The following SRP68 variants were observed in gnomAD, a reference collection of about 807,000 sequenced individuals.
The protein encoded by SRP68 is signal recognition particle 68, also known as signal recognition particle subunit SRP68.
Under a neutral mutation model 82.2 loss-of-function variants are expected in SRP68, and 15 were observed. That is an observed-to-expected ratio of 0.18 (90% CI 0.12 to 0.28). The LOEUF (loss-of-function observed/expected upper bound fraction) is 0.28, where lower values mean the gene tolerates loss of function less well. SRP68 is among the 10% of genes least tolerant of loss of function. The pLI, the probability that SRP68 is intolerant of heterozygous loss-of-function variation, is 1.00. For missense variants in SRP68, 595 were observed against 780.5 expected (o/e 0.76, Z 2.83); for synonymous variants, 261 against 292.6 (o/e 0.89, Z 1.10).
chr17:76,072,410 C>A lies in SRP68; in HGVS notation c.82G>T (p.Gly28Cys). ...TCCCCTCCGGCACCACGTCCACCGC[C>A]GCTACCGCCGCCGCCACTGCCACCG... ...GGGGSGGGGS[G>C]GGRGAGGEEN... Residue 28 changes from glycine to cysteine, a missense_variant, in exon 1 of 16, where the codon GGC becomes TGC. Gly to Cys is a radical substitution (Grantham distance 159). Coordinates refer to ENST00000307877, the MANE Select transcript of SRP68 (RefSeq NM_014230.4). The surrounding 1 kb of genome is among the most constrained non-coding windows in gnomAD (Gnocchi z 4.5). 1 of 1,596,036 alleles carries A rather than the reference C, an allele frequency of 6.3e-7. No homozygotes were observed.
At position 76,053,403 on chromosome 17, in the gene SRP68, T is replaced by C. The variant is rs113823201; in HGVS notation, c.979-2877A>G. ...CCCTTCTCAGACAAGTGGGGTTAAGTGGTTGGAGCAACCGGCGTTCAAGAA... is the reference window on the plus strand; with the variant it reads ...CCCTTCTCAGACAAGTGGGGTTAAGCGGTTGGAGCAACCGGCGTTCAAGAA... On this transcript the variant is annotated intron_variant, in intron 8 of 15. Coordinates refer to ENST00000307877, the MANE Select transcript of SRP68 (RefSeq NM_014230.4). The C allele has an allele frequency of 1.9e-5, 18 of 951,316 alleles. 1 individual carries two copies. Among genetic ancestry groups the C allele is most frequent in the African/African-American group, 3.5e-5 (2 of 56,576 alleles). The allele number at this position is 951,316 out of a possible 1,614,324, so 58.9% of individuals were successfully genotyped here.
intron 3 of SRP68, among the ~76,000 whole-genome samples, chr17:76,064,985 T>C (rs2066796007): frequency 6.6e-6 from 1 of 152,174 alleles, no homozygotes; most frequent in African/African-American, 2.4e-5. Context: ...CGCTCTCCCA[T>C]GTAGTAATAC....
rs2066584183 is a variant in SRP68 at position 76,040,827 on chromosome 17, TA to T, written c.1600+75del. 4.5e-6 allele frequency: 6 copies of T among 1,345,226 alleles called. No individual in the cohort carries two copies. The South Asian group carries it at 7.1e-5, about 16-fold the overall frequency. The allele number at this position is 1,345,226 out of a possible 1,614,324, so 83.3% of individuals were successfully genotyped here. The stretch of plus-strand genomic sequence containing the variant: ...GACAACCCTTTCAACCTTAAAACAG[TA>T]GTATGGGGTGTGACAGAGAAGGGGA... On this transcript the variant is annotated intron_variant, in intron 14 of 15. Coordinates refer to ENST00000307877, the MANE Select transcript of SRP68 (RefSeq NM_014230.4).
chr17:76,047,236 G>T (rs1398216578), intron 10 of SRP68, among the ~76,000 whole-genome samples: 1 of 152,134 alleles, frequency 6.6e-6, no homozygotes, highest in Non-Finnish European at 1.5e-5. Context: ...TCCCACCTGA[G>T]CCTCTGGAGT....
At position 76,060,226 on chromosome 17, in the gene SRP68, T is replaced by A. The variant is rs539315943; in HGVS notation, c.837+82A>T. ...AGATATAAATATCCATATATTAATATCAAATATCCCTAGGGGATTATGAAT... is the reference window on the plus strand; with the variant it reads ...AGATATAAATATCCATATATTAATAACAAATATCCCTAGGGGATTATGAAT... On this transcript the variant is annotated intron_variant, in intron 7 of 15. Coordinates refer to ENST00000307877, the MANE Select transcript of SRP68 (RefSeq NM_014230.4). The A allele has an allele frequency of 6.5e-5, 46 of 702,334 alleles. No homozygotes were observed. In the South Asian group the frequency reaches 8.2e-4, roughly 12 times the overall value. The allele number at this position is 702,334 out of a possible 1,614,324, so 43.5% of individuals were successfully genotyped here. A position where few individuals can be genotyped will look rare whatever the true frequency, so the allele number is the denominator to read the frequency against.
chr17:76,045,713 G>A (rs1368372306), intron 11 of SRP68, among the ~76,000 whole-genome samples: 1 of 152,164 alleles, frequency 6.6e-6, no homozygotes, highest in African/African-American at 2.4e-5. Flanking sequence ...TTGACTGTGT[G>A]TGTCTCACAG....
chr17:76,055,117 C>G (rs904349365), intron 8 of SRP68, among the ~76,000 whole-genome samples: 1 of 151,580 alleles, frequency 6.6e-6, no homozygotes, highest in Non-Finnish European at 1.5e-5. Flanking sequence ...CCACCACACC[C>G]GGCTAATTTT....
chr17:76,057,726 G>C (rs958005188), intron 7 of SRP68, among the ~76,000 whole-genome samples, 183 bp from the exon 8 acceptor site: 3 of 152,072 alleles, frequency 2.0e-5, no homozygotes, highest in Non-Finnish European at 4.4e-5. Flanking sequence ...CCAGGCTGGA[G>C]TGCAGTGGCG....
Position 76,040,369 on chromosome 17 carries a change from T to G in SRP68, c.1656+50A>C, listed in dbSNP as rs188938871. ...TCTATAATGAGCATGCATTCCTAGT[T>G]TGTTACTAATCCTGCTTCGTATTCC... On this transcript the variant is annotated intron_variant, in intron 15 of 15. Transcript: ENST00000307877. 92 of 1,557,314 alleles carry G rather than the reference T, an allele frequency of 5.9e-5. No homozygotes were observed. The African/African-American group carries it at 1.1e-3, about 18-fold the overall frequency.
intron 13 of SRP68, among the ~76,000 whole-genome samples, chr17:76,042,325 C>T (rs912104791): frequency 1.3e-5 from 2 of 151,912 alleles, no homozygotes; most frequent in African/African-American, 2.4e-5. Context: ...AGTAAAGCAC[C>T]GGGAGTAGTG....
At chr17:76,065,860 A>G (rs143740435) in intron 3 of SRP68, among the ~76,000 whole-genome samples, 1,563 of 151,422 alleles carry the variant, frequency 0.01, 20 homozygotes, top group African/African-American at 0.035. Flanking sequence ...ACATTTTCCA[A>G]TAAGATGAAA....
chr17:76,055,256 C>T (rs113420476), intron 8 of SRP68, among the ~76,000 whole-genome samples: 2,064 of 152,050 alleles, frequency 0.014, 40 homozygotes, highest in African/African-American at 0.047. Context: ...CGTGAGCCAC[C>T]GCACCCGGCC....
Position 76,064,134 on chromosome 17 carries a change from A to G in SRP68, c.403T>C (p.Trp135Arg). ...TGTTTCAGCTGCATGGCGTAGCTCCAGGCTCTTTCAGCATCCATCAGAACC... is the reference window on the plus strand; with the variant it reads ...TGTTTCAGCTGCATGGCGTAGCTCCGGGCTCTTTCAGCATCCATCAGAACC... ...LLVLMDAERA[W>R]SYAMQLKQEA... The change falls in exon 4 of 16, where the codon TGG becomes CGG. Residue 135 changes from tryptophan (W) to arginine (R), a missense_variant. Physicochemically the swap from Trp to Arg is moderately radical, Grantham distance 101 (BLOSUM62 -3). This residue lies in a region of SRP68 where 495 missense variants were observed against 688.6 expected (regional missense o/e 0.72). Coordinates refer to ENST00000307877, the MANE Select transcript of SRP68 (RefSeq NM_014230.4). The G allele has an allele frequency of 6.2e-7, 1 of 1,614,210 alleles. No homozygotes were observed. The highest frequency in any genetic ancestry group is 8.5e-7 in the Non-Finnish European group (1 of 1,180,034).
intron 10 of SRP68, 94 bp from the exon 11 acceptor site, chr17:76,046,288 A>G: frequency 5.8e-6 from 5 of 867,350 alleles, no homozygotes; most frequent in African/African-American, 3.5e-5. Flanking sequence ...CAGAGGAAGC[A>G]GGGGGCGGGT....
At chr17:76,056,209 C>A (rs1048966935) in intron 8 of SRP68, among the ~76,000 whole-genome samples, 1 of 152,122 alleles carries the variant, frequency 6.6e-6, no homozygotes, top group Non-Finnish European at 1.5e-5. Flanking sequence ...ATTTAACTTG[C>A]CCCTATGGAT....
At chr17:76,051,890 ATTAAT>A (rs1348507551) in intron 8 of SRP68, among the ~76,000 whole-genome samples, 6 of 152,174 alleles carry the variant, frequency 3.9e-5, no homozygotes, top group African/African-American at 1.2e-4. Flanking sequence ...CGGAAGTTTT[ATTAAT>A]TTATCTATCT....
chr17:76,062,578 C>A (rs1292961940), intron 4 of SRP68, among the ~76,000 whole-genome samples: 1 of 36,322 alleles, frequency 2.8e-5, no homozygotes, highest in Non-Finnish European at 4.2e-5. Context: ...ATATAATATA[C>A]ATTATATAAT....
Position 76,040,896 on chromosome 17 carries a change from G to T in SRP68, c.1600+7C>A. ...CTGGGGATACAAAGGCCAGGCAGGG[G>T]GCTCACCAAGGATGGCTGCGGCCTG... On this transcript the variant is annotated splice_region_variant and intron_variant, in intron 14 of 15. Transcript: ENST00000307877. 1 of 1,613,718 alleles carries T rather than the reference G, an allele frequency of 6.2e-7. No homozygotes were observed. Among genetic ancestry groups the T allele is most frequent in the Non-Finnish European group, 8.5e-7 (1 of 1,179,804 alleles).
intron 8 of SRP68, chr17:76,053,508 C>A (rs2066690761): frequency 2.0e-6 from 2 of 985,288 alleles, no homozygotes; most frequent in African/African-American, 3.5e-5. Flanking sequence ...TTTAAAACCT[C>A]TTGACTGCCA....
Sources: gnomAD v4.1 joint callset for allele counts (sites outside exome capture counted in the v4.1 genomes callset) on GRCh38, gnomAD v4.1.1 for gene constraint, gnomAD v4.1.1 regional missense constraint, Gnocchi (gnomAD v3.1) non-coding constraint, MANE v1.5 for transcripts, NCBI Gene and HGNC (gene_info 2026-07-23, HGNC 2026-07-21) for gene names.